Variants in LPP observed in about 807,000 individuals in gnomAD.
LPP encodes lipoma-preferred partner.
LPP carries 38 observed loss-of-function variants against 60.4 expected under a neutral mutation model. The observed-to-expected ratio is 0.63, with a 90% CI of 0.49 to 0.83. The LOEUF (loss-of-function observed/expected upper bound fraction) is 0.83. LPP is among the 40% of genes least tolerant of loss of function. LPP has a pLI of 0.00. For missense variants in LPP, 902 were observed against 783.6 expected, an observed-to-expected ratio of 1.15 and a Z score of -1.80; for synonymous variants, 328 against 290.8, an observed-to-expected ratio of 1.13 and a Z score of -1.30.
chr3:188,503,975 G>C (rs1403234807), intron 5 of LPP, among the ~76,000 whole-genome samples: 2 of 152,056 alleles, frequency 1.3e-5, no homozygotes, highest in Admixed American at 1.3e-4. Context: ...TATACTCTTG[G>C]CTTTGATCAA....
intron 3 of LPP, among the ~76,000 whole-genome samples, chr3:188,398,411 A>G (rs1008695796): frequency 1.3e-5 from 2 of 152,178 alleles, no homozygotes; most frequent in African/African-American, 4.8e-5. Context: ...AGTTTTTCCA[A>G]ATGTCTCTCA....
intron 4 of LPP, among the ~76,000 whole-genome samples, chr3:188,433,956 C>T (rs958928719): frequency 5.3e-4 from 81 of 152,170 alleles, no homozygotes; most frequent in African/African-American, 1.8e-3. Context: ...TAGTCCACAT[C>T]GTGAGAGAAA....
At chr3:188,313,013 T>C (rs994116669) in intron 2 of LPP, 1 of 152,050 alleles carries the variant, frequency 6.6e-6, no homozygotes, top group African/African-American at 2.4e-5. Flanking sequence ...AGGGATAGCA[T>C]TAGGAGATAT....
intron 2 of LPP, among the ~76,000 whole-genome samples, chr3:188,274,631 A>G (rs181094362): frequency 9.8e-5 from 15 of 152,372 alleles, no homozygotes; most frequent in Non-Finnish European, 2.1e-4. Flanking sequence ...AGCTGTGTTT[A>G]GACTTCAGAA....
At chr3:188,319,476 C>T (rs1026374563) in intron 2 of LPP, among the ~76,000 whole-genome samples, 1 of 152,166 alleles carries the variant, frequency 6.6e-6, no homozygotes, top group Non-Finnish European at 1.5e-5. Context: ...TCCCATTGAG[C>T]CTTTTAACTA....
chr3:188,568,251 G>C (rs1048106769), intron 6 of LPP: 3 of 151,956 alleles, frequency 2.0e-5, no homozygotes, highest in Non-Finnish European at 2.9e-5. Context: ...CAGGCTCCAC[G>C]ATAGGGATGC....
At chr3:188,446,416 C>G in intron 4 of LPP, among the ~76,000 whole-genome samples, 1 of 152,280 alleles carries the variant, frequency 6.6e-6, no homozygotes, top group Non-Finnish European at 1.5e-5. Flanking sequence ...TCAGCCTTTT[C>G]TTTTTAAAAG....
chr3:188,618,049 G>A (rs894922666), intron 7 of LPP, among the ~76,000 whole-genome samples: 2 of 152,138 alleles, frequency 1.3e-5, no homozygotes, highest in Non-Finnish European at 2.9e-5. Flanking sequence ...GAATATTAAA[G>A]CTTTGAAATG....
At chr3:188,184,234 A>G (rs1323999045) in intron 1 of LPP, among the ~76,000 whole-genome samples, 1 of 152,190 alleles carries the variant, frequency 6.6e-6, no homozygotes, top group Non-Finnish European at 1.5e-5. Flanking sequence ...TTGATTTTGC[A>G]CGGACTACTT....
intron 9 of LPP, among the ~76,000 whole-genome samples, chr3:188,831,095 A>G (rs929771652): frequency 1.3e-5 from 2 of 152,176 alleles, no homozygotes; most frequent in African/African-American, 4.8e-5. Context: ...AGATTTCTCT[A>G]TCATTCTGCT....
At chr3:188,407,788 G>GT (rs869082030) in intron 4 of LPP, among the ~76,000 whole-genome samples, 7,384 of 107,252 alleles carry the variant, frequency 0.069, 589 homozygotes, top group African/African-American at 0.14. Flanking sequence ...TTGTTTGTTT[G>GT]TTTTTTTTTT....
At chr3:188,690,815 T>G (rs1861957852) in intron 7 of LPP, among the ~76,000 whole-genome samples, 1 of 152,166 alleles carries the variant, frequency 6.6e-6, no homozygotes, top group African/African-American at 2.4e-5. Context: ...TTTAGGGAAC[T>G]CCTTAATTTT....
intron 7 of LPP, among the ~76,000 whole-genome samples, chr3:188,630,719 G>A (rs1278778619): frequency 3.3e-5 from 5 of 152,114 alleles, no homozygotes. Flanking sequence ...AAAGACAAAT[G>A]CACTTGTATG....
At chr3:188,856,561 C>T (rs1763886841) in intron 9 of LPP, among the ~76,000 whole-genome samples, 1 of 152,164 alleles carries the variant, frequency 6.6e-6, no homozygotes, top group South Asian at 2.1e-4. Context: ...TTAAACAGTG[C>T]TTCTCCCATT....
chr3:188,678,103 G>A (rs1399710822), intron 7 of LPP, among the ~76,000 whole-genome samples: 1 of 152,126 alleles, frequency 6.6e-6, no homozygotes, highest in Non-Finnish European at 1.5e-5. Context: ...CCCAGAAGCA[G>A]CAATTCATAC....
intron 3 of LPP, among the ~76,000 whole-genome samples, chr3:188,398,028 CTGCAGCAT>C (rs995462867): frequency 5.3e-5 from 8 of 152,164 alleles, no homozygotes; most frequent in Non-Finnish European, 1.0e-4. Context: ...TTCTTGTCAC[CTGCAGCAT>C]TGCCAAGAAC....
intron 9 of LPP, among the ~76,000 whole-genome samples, chr3:188,761,388 T>C (rs1268084244): frequency 1.3e-5 from 2 of 152,234 alleles, no homozygotes; most frequent in East Asian, 1.9e-4. Flanking sequence ...GGATTAAATA[T>C]GGCTTTGCAT....
intron 3 of LPP, among the ~76,000 whole-genome samples, chr3:188,385,902 T>C (rs539760385): frequency 6.6e-6 from 1 of 152,314 alleles, no homozygotes; most frequent in Non-Finnish European, 1.5e-5. Context: ...GCTAGTATAC[T>C]CTTCTTTCTT....
At chr3:188,828,211 G>A (rs548820530) in intron 9 of LPP, among the ~76,000 whole-genome samples, 2 of 152,188 alleles carry the variant, frequency 1.3e-5, no homozygotes, top group East Asian at 3.9e-4. Context: ...ATATTGGAAG[G>A]AAGTACATGC....
Sources: allele counts gnomAD v4.1 joint callset (sites outside exome capture counted in the v4.1 genomes callset), GRCh38; gene constraint gnomAD v4.1.1; transcripts MANE v1.5; gene names NCBI Gene and HGNC (gene_info 2026-07-23, HGNC 2026-07-21).